Variants in EIF2AK2 observed in about 807,000 individuals in gnomAD.
EIF2AK2 encodes the protein eukaryotic translation initiation factor 2 alpha kinase 2.
In EIF2AK2, 40 loss-of-function variants were observed where a neutral mutation model predicts 70.5. The observed-to-expected ratio is 0.57, with a 90% confidence interval of 0.44 to 0.74. The LOEUF (loss-of-function observed/expected upper bound fraction) is 0.74. EIF2AK2 is among the 30% of genes least tolerant of loss of function. The pLI is 0.00. For synonymous variants in EIF2AK2, 198 were observed against 220.9 expected, an observed-to-expected ratio of 0.90 and a Z score of 0.92; for missense variants, 555 against 644.3, an observed-to-expected ratio of 0.86 and a Z score of 1.50.
At position 37,100,769 on chromosome 2, in the gene EIF2AK2, A is replaced by G. The variant is rs1673809000; in HGVS notation, c.*6504T>C. 2 of 152,186 alleles carry G rather than the reference A, an allele frequency of 1.3e-5. No individual in the cohort carries two copies. Among genetic ancestry groups the G allele is most frequent in the South Asian group, 4.1e-4 (2 of 4,832 alleles). The allele number at this position is 152,186 out of a possible 1,614,324, so 9.4% of individuals were successfully genotyped here. A position where few individuals can be genotyped will look rare whatever the true frequency, so the allele number is the denominator to read the frequency against. On this transcript the variant is annotated 3_prime_UTR_variant, in exon 17 of 17. Transcript: ENST00000233057. ...AGTGTTCTGGCAGCACCTCAAGCTC[A>G]CTGTCACCAAATGGGATTCAACGTC...
intron 9 of EIF2AK2, among the ~76,000 whole-genome samples, chr2:37,136,035 T>C (rs1558422371): frequency 6.6e-6 from 1 of 152,254 alleles, no homozygotes; most frequent in South Asian, 2.1e-4. Context: ...GTGCTCATTG[T>C]TGATGCGTCA....
intron 12 of EIF2AK2, among the ~76,000 whole-genome samples, chr2:37,121,319 C>T (rs1045881522): frequency 6.8e-6 from 1 of 147,740 alleles, no homozygotes. Flanking sequence ...ACCCATTCTT[C>T]ATTGCTGAAG....
At position 37,148,860 on chromosome 2, in the gene EIF2AK2, G is replaced by A. The variant is rs1308832118; in HGVS notation, c.-20C>T. 2 of 848,500 alleles carry A rather than the reference G, an allele frequency of 2.4e-6. No individual in the cohort carries two copies. The highest frequency in any genetic ancestry group is 3.4e-5 in the Admixed American group (2 of 58,564). 52.6% of individuals were successfully genotyped at this position (848,500 alleles called of 1,614,324 possible). ...AAATTCGGAAGACCGCTTGTACCTGGTTGGAAGCTTTGTCCAAAATGCACG... is the reference window on the plus strand; with the variant it reads ...AAATTCGGAAGACCGCTTGTACCTGATTGGAAGCTTTGTCCAAAATGCACG... On this transcript the variant is annotated 5_prime_UTR_variant, in exon 2 of 17. Transcript: ENST00000233057.
chr2:37,121,765 G>T (rs748561127), intron 12 of EIF2AK2, among the ~76,000 whole-genome samples: 4 of 151,970 alleles, frequency 2.6e-5, no homozygotes, highest in Admixed American at 6.6e-5. Flanking sequence ...AGTCCTGTAT[G>T]CTGACGGTCA....
intron 14 of EIF2AK2, among the ~76,000 whole-genome samples, chr2:37,114,331 T>G (rs1017125607): frequency 1.3e-5 from 2 of 151,720 alleles, no homozygotes; most frequent in Non-Finnish European, 2.9e-5. Flanking sequence ...ACAAAAAATA[T>G]TAAATTTAAA....
intron 12 of EIF2AK2, 78 bp downstream of exon 12, chr2:37,122,428 C>T: frequency 2.1e-6 from 3 of 1,437,004 alleles, no homozygotes; most frequent in Non-Finnish European, 2.9e-6. Flanking sequence ...GATTAATAGC[C>T]TTATCCAGTG....
chr2:37,136,849 A>C, intron 9 of EIF2AK2, 134 bp downstream of exon 9: 1 of 757,228 alleles, frequency 1.3e-6, no homozygotes, highest in African/African-American at 1.8e-5. Context: ...TTATTTGTTT[A>C]TAGATTTCAA....
At chr2:37,156,350 T>A (rs929400116) in intron 1 of EIF2AK2, among the ~76,000 whole-genome samples, 4 of 151,986 alleles carry the variant, frequency 2.6e-5, no homozygotes, top group African/African-American at 9.7e-5. Context: ...GAGAGTCTGG[T>A]TCTTACTTAA....
At position 37,148,916 on chromosome 2, in the gene EIF2AK2, C is replaced by G; in HGVS notation, c.-76G>C. The G allele has an allele frequency of 1.2e-6, 1 of 822,600 alleles. No homozygotes were observed. Among genetic ancestry groups the G allele is most frequent in the Admixed American group, 1.7e-5 (1 of 58,696 alleles). The allele number at this position is 822,600 out of a possible 1,614,324, so 51.0% of individuals were successfully genotyped here. On this transcript the variant is annotated 5_prime_UTR_variant, in exon 2 of 17. Transcript: ENST00000233057. ...AATCACGGAAGTGTGGATGTTGATT[C>G]TGAAGACCGCCAGAGAAGCAAACCT...
At chr2:37,147,041 G>A (rs1675569214) in intron 3 of EIF2AK2, 68 bp from the exon 4 acceptor site, 1 of 1,455,116 alleles carries the variant, frequency 6.9e-7, no homozygotes, top group East Asian at 2.4e-5. Flanking sequence ...AAGTACTCTA[G>A]TCATCACTAC....
intron 5 of EIF2AK2, among the ~76,000 whole-genome samples, chr2:37,141,058 C>T (rs541391995): frequency 6.6e-6 from 1 of 152,312 alleles, no homozygotes; most frequent in South Asian, 2.1e-4. Context: ...CCTCAAATCC[C>T]GGTCTCCTCA....
chr2:37,145,770 T>G (rs866926869), intron 4 of EIF2AK2, among the ~76,000 whole-genome samples: 1,805 of 63,700 alleles, frequency 0.028, 132 homozygotes, highest in African/African-American at 0.084. Flanking sequence ...TTTTTTTTTT[T>G]TTTTTTTTTT....
chr2:37,114,791 C>T lies in EIF2AK2; in HGVS notation c.1317G>A (p.Leu439=), dbSNP rs757269448. The change falls in exon 14 of 17, where the codon CTG becomes CTA. Residue 439 remains leucine (L), a synonymous_variant. Transcript: ENST00000233057. ...TCCTTGTTCGCTTTCCATCATTTTTCAGAGATGTTACAAGTCCAAAGTCTC... is the reference window on the plus strand; with the variant it reads ...TCCTTGTTCGCTTTCCATCATTTTTTAGAGATGTTACAAGTCCAAAGTCTC... ...KIGDFGLVTS[L]KNDGKRTRSK... 19 of 1,604,016 alleles carry T rather than the reference C, an allele frequency of 1.2e-5. No homozygotes were observed. In the South Asian group the frequency reaches 1.9e-4, roughly 16 times the overall value.
chr2:37,143,222 CAAAAA>C (rs34947987), intron 4 of EIF2AK2, among the ~76,000 whole-genome samples: 1 of 112,220 alleles, frequency 8.9e-6, no homozygotes, highest in Non-Finnish European at 1.9e-5. Context: ...GACTCTGTCT[CAAAAA>C]AAAAAAAAAA....
chr2:37,109,706 T>G (rs969730434), intron 14 of EIF2AK2, among the ~76,000 whole-genome samples: 8 of 152,248 alleles, frequency 5.3e-5, no homozygotes, highest in African/African-American at 1.9e-4. Flanking sequence ...AAACATGTTG[T>G]GGCATATTCA....
chr2:37,115,472 A>C (rs1162010013), intron 13 of EIF2AK2, among the ~76,000 whole-genome samples: 1 of 152,022 alleles, frequency 6.6e-6, no homozygotes, highest in African/African-American at 2.4e-5. Flanking sequence ...GGTCCAAGGG[A>C]AAAGATCCAG....
In EIF2AK2 at chr2:37,135,478, T is replaced by A. The variant is rs1241872157; in HGVS notation, c.785+6A>T. On this transcript the variant is annotated splice_donor_region_variant and intron_variant, in intron 10 of 16. Coordinates refer to ENST00000233057, the MANE Select transcript of EIF2AK2 (RefSeq NM_001135651.3). ...CTTCTTCTTTCTTCAGCACTTAAAA[T>A]CTTACCTCTTGTCCACAGTATACTT... The A allele has an allele frequency of 6.2e-7, 1 of 1,601,310 alleles. No individual in the cohort carries two copies. The highest frequency in any genetic ancestry group is 8.5e-7 in the Non-Finnish European group (1 of 1,175,780).
intron 11 of EIF2AK2, among the ~76,000 whole-genome samples, chr2:37,125,155 G>C (rs966401274): frequency 2.0e-5 from 3 of 152,100 alleles, no homozygotes; most frequent in East Asian, 3.9e-4. Flanking sequence ...TGAGATTACA[G>C]GCATGCGCCA....
chr2:37,146,239 A>G lies in EIF2AK2; in HGVS notation c.240+614T>C, dbSNP rs146466428. 3.4e-4 allele frequency among the ~76,000 whole-genome samples: 52 copies of G among 152,326 alleles called. 1 individual carries two copies. The highest frequency in any genetic ancestry group is 1.2e-3 in the African/African-American group (49 of 41,566). ...TAGGTGTGTACTGGTTGTACCATTC[A>G]GGATTGTGTAAGTACCTCTATGATG... On this transcript the variant is annotated intron_variant, in intron 4 of 16. Coordinates refer to ENST00000233057, the MANE Select transcript of EIF2AK2 (RefSeq NM_001135651.3).
Sources: allele counts gnomAD v4.1 joint callset (sites outside exome capture counted in the v4.1 genomes callset), GRCh38; gene constraint gnomAD v4.1.1; transcripts MANE v1.5; gene names NCBI Gene and HGNC (gene_info 2026-07-23, HGNC 2026-07-21).